EARS2: variants seen among roughly 807,000 people sequenced by gnomAD.
The protein encoded by EARS2 is nondiscriminating glutamyl-tRNA synthetase EARS2, mitochondrial.
A neutral mutation model predicts 54.1 loss-of-function variants in EARS2; 50 were observed. The ratio of observed to expected loss-of-function variants is 0.92; its 90% CI spans 0.74 to 1.17. The LOEUF is 1.17. Among genes scored for constraint, EARS2 ranks in the 50% most tolerant of loss-of-function variants. The probability of loss-of-function intolerance (pLI) is 0.00; values close to 1 mark genes in which losing one functional copy is unlikely to be tolerated. For missense variants in EARS2, 673 were observed against 675.0 expected (o/e 1.00, Z 0.03); for synonymous variants, 298 against 281.0 (o/e 1.06, Z -0.61).
intron 2 of EARS2, among the ~76,000 whole-genome samples, chr16:23,548,517 T>C (rs1255204474): frequency 1.3e-5 from 2 of 152,042 alleles, no homozygotes; most frequent in African/African-American, 2.4e-5. Context: ...ACCTGATAAG[T>C]AGCAGATCCT....
At position 23,521,674 on chromosome 16, in the gene EARS2, T is replaced by C; in HGVS notation, c.*2697A>G. 2.2e-6 allele frequency: 1 copy of C among 454,070 alleles called. No homozygotes were observed. The highest frequency in any genetic ancestry group is 4.4e-6 in the Non-Finnish European group (1 of 225,792). The allele number at this position is 454,070 out of a possible 1,614,324, so 28.1% of individuals were successfully genotyped here. A position where few individuals can be genotyped will look rare whatever the true frequency, so the allele number is the denominator to read the frequency against. On this transcript the variant is annotated 3_prime_UTR_variant, in exon 9 of 9. Coordinates refer to ENST00000449606, the MANE Select transcript of EARS2 (RefSeq NM_001083614.2). ...CTTTGCCTCACAAAGCATTAGGACG[T>C]ATTTGTCCTTTTGTGACTGACATTT...
chr16:23,531,082 AG>A (rs1965319970), intron 5 of EARS2, among the ~76,000 whole-genome samples: 6 of 142,808 alleles, frequency 4.2e-5, no homozygotes, highest in Non-Finnish European at 9.1e-5. Context: ...TATTTTTAGT[AG>A]AAATGTGGTT....
At chr16:23,550,464 G>A (rs1965676716) in intron 2 of EARS2, among the ~76,000 whole-genome samples, 3 of 108,138 alleles carry the variant, frequency 2.8e-5, no homozygotes, top group Admixed American at 1.3e-4. Context: ...TTGAGACAGA[G>A]TCTCACTCTG....
At chr16:23,531,071 C>T (rs28656176) in intron 5 of EARS2, among the ~76,000 whole-genome samples, 251 of 145,638 alleles carry the variant, frequency 1.7e-3, no homozygotes, top group Middle Eastern at 0.01. Flanking sequence ...TTTTTTTTTT[C>T]TATTTTTAGT....
intron 7 of EARS2, among the ~76,000 whole-genome samples, chr16:23,526,382 G>C (rs866260477): frequency 1.3e-5 from 2 of 152,256 alleles, no homozygotes; most frequent in African/African-American, 4.8e-5. Context: ...AAAGTGCTGG[G>C]ATTATAGGCA....
At chr16:23,554,525 A>G (rs1425068846) in intron 1 of EARS2, among the ~76,000 whole-genome samples, 3 of 152,116 alleles carry the variant, frequency 2.0e-5, no homozygotes, top group Admixed American at 6.5e-5. Flanking sequence ...AGTCTCCACA[A>G]TGAGCTCATC....
intron 7 of EARS2, 58 bp downstream of exon 7, chr16:23,529,444 T>C (rs1965283789): frequency 1.9e-6 from 3 of 1,580,160 alleles, no homozygotes; most frequent in East Asian, 2.3e-5. Context: ...AAGAGAGCCA[T>C]GGGACAGAGA....
At position 23,534,887 on chromosome 16, in the gene EARS2, C is replaced by T; in HGVS notation, c.958+1G>A. On this transcript the variant is annotated splice_donor_variant, in intron 4 of 8. Transcript: ENST00000449606. LOFTEE classifies it high-confidence loss of function. ...CCAGGACTATTCAGGTGGGCACGTA[C>T]CTGCAAAACCTGAGCCACAGTTGGT... 4 of 1,566,202 alleles carry T rather than the reference C, an allele frequency of 2.6e-6. No homozygotes were observed. Among genetic ancestry groups the T allele is most frequent in the Non-Finnish European group, 2.6e-6 (3 of 1,152,602 alleles).
chr16:23,533,627 C>T (rs1329305676), intron 4 of EARS2, among the ~76,000 whole-genome samples: 2 of 152,236 alleles, frequency 1.3e-5, no homozygotes, highest in Non-Finnish European at 2.9e-5. Context: ...AACCCATCTC[C>T]ATTACTCTCA....
rs778413603 is a variant in EARS2 at position 23,552,231 on chromosome 16, GA to G, written c.212del (p.Phe71SerfsTer3). On this transcript the variant is annotated frameshift_variant, in exon 2 of 9. Transcript: ENST00000449606. LOFTEE classifies it high-confidence loss of function. ...GATCTGTGTCCTCTAGCCTCAGGATGAAGCTCCCCTGGTACTTCTTAGCAAA... is the reference window on the plus strand; with the variant it reads ...GATCTGTGTCCTCTAGCCTCAGGATGAGCTCCCCTGGTACTTCTTAGCAAA... ...YIFAKKYQGS[F>X]ILRLEDTDQT... is the part of the protein sequence containing the mutation. The G allele has an allele frequency of 6.2e-6, 10 of 1,614,094 alleles. No individual in the cohort carries two copies. Among genetic ancestry groups the G allele is most frequent in the African/African-American group, 1.3e-5 (1 of 74,930 alleles).
chr16:23,545,240 C>T (rs11642395), intron 2 of EARS2: 110,388 of 152,218 alleles, frequency 0.73, 40,807 homozygotes, highest in Non-Finnish European at 0.81. Flanking sequence ...GGTGTACGGG[C>T]TCCAAAGTCC....
intron 1 of EARS2, among the ~76,000 whole-genome samples, chr16:23,554,637 T>C (rs1164720062): frequency 2.6e-5 from 4 of 152,198 alleles, no homozygotes; most frequent in Admixed American, 6.5e-5. Flanking sequence ...GGATAGTTAC[T>C]GCAAGGACAC....
intron 3 of EARS2, among the ~76,000 whole-genome samples, chr16:23,542,269 A>ACAGACGTG (rs1419897748): frequency 1.3e-5 from 2 of 149,242 alleles, no homozygotes; most frequent in African/African-American, 5.0e-5. Flanking sequence ...TGCTGGAATT[A>ACAGACGTG]CAGACGTGAG....
intron 8 of EARS2, 143 bp downstream of exon 8, chr16:23,525,101 G>C (rs748789952): frequency 1.5e-5 from 16 of 1,094,268 alleles, no homozygotes; most frequent in Middle Eastern, 2.0e-4. Flanking sequence ...AATAGTGTCT[G>C]TTGATTGACT....
At chr16:23,553,473 T>C (rs1048038278) in intron 1 of EARS2, among the ~76,000 whole-genome samples, 1 of 152,120 alleles carries the variant, frequency 6.6e-6, no homozygotes, top group Non-Finnish European at 1.5e-5. Flanking sequence ...AATCATATTG[T>C]GGGCCAGGTG....
intron 2 of EARS2, among the ~76,000 whole-genome samples, chr16:23,546,970 C>T (rs932356985): frequency 6.6e-6 from 1 of 152,156 alleles, no homozygotes; most frequent in African/African-American, 2.4e-5. Flanking sequence ...TGATCTAATG[C>T]TAAACAAGTC....
chr16:23,525,404 G>C (rs779127844), intron 7 of EARS2, 25 bp from the exon 8 acceptor site: 1 of 1,597,990 alleles, frequency 6.3e-7, no homozygotes, highest in African/African-American at 1.3e-5. Flanking sequence ...CCAGTTTACA[G>C]GGCCTGCATG....
chr16:23,526,051 A>G (rs1007359491), intron 7 of EARS2, among the ~76,000 whole-genome samples: 18 of 151,528 alleles, frequency 1.2e-4, no homozygotes, highest in African/African-American at 4.4e-4. Context: ...TATCGTAGAG[A>G]GTTAAAACTT....
At chr16:23,554,499 C>A (rs966678721) in intron 1 of EARS2, among the ~76,000 whole-genome samples, 2 of 152,168 alleles carry the variant, frequency 1.3e-5, no homozygotes, top group African/African-American at 4.8e-5. Flanking sequence ...CTTCTTCGGA[C>A]CAGCCCACAG....
Sources: gnomAD v4.1 joint callset for allele counts (sites outside exome capture counted in the v4.1 genomes callset) on GRCh38, gnomAD v4.1.1 for gene constraint, MANE v1.5 for transcripts, NCBI Gene and HGNC (gene_info 2026-07-23, HGNC 2026-07-21) for gene names.